Variants in SNTG2 observed in about 807,000 individuals in gnomAD.
SNTG2 encodes the protein gamma-2-syntrophin.
Under a neutral mutation model 70.9 loss-of-function variants are expected in SNTG2, and 74 were observed. The ratio of observed to expected loss-of-function variants is 1.04; its 90% CI spans 0.86 to 1.27. The LOEUF is 1.27. SNTG2 is among the 50% of genes most tolerant of loss of function. SNTG2 has a pLI of 0.00. For missense variants in SNTG2, 717 were observed against 690.7 expected, an observed-to-expected ratio of 1.04 and a Z score of -0.43; for synonymous variants, 278 against 273.8, an observed-to-expected ratio of 1.02 and a Z score of -0.15.
chr2:1,043,632 G>A lies in SNTG2; in HGVS notation c.73-39886G>A, dbSNP rs573821251. Among the ~76,000 whole-genome samples, 3 of 152,158 alleles carry A rather than the reference G, an allele frequency of 2.0e-5. No homozygotes were observed. The East Asian group carries it at 5.8e-4, about 29-fold the overall frequency. ...GTCCAGTTTCAATCTTCTGCATATG[G>A]CTAGCCAGTTATCCCAGCACGATTT... On this transcript the variant is annotated intron_variant, in intron 1 of 16. Coordinates refer to ENST00000308624, the MANE Select transcript of SNTG2 (RefSeq NM_018968.4).
chr2:967,247 A>G (rs1021155523), intron 1 of SNTG2, among the ~76,000 whole-genome samples: 4 of 152,180 alleles, frequency 2.6e-5, no homozygotes, highest in African/African-American at 9.7e-5. Flanking sequence ...GGGTAAAACC[A>G]CAAATATGCT....
intron 2 of SNTG2, among the ~76,000 whole-genome samples, chr2:1,095,144 C>T (rs1665310409): frequency 6.6e-6 from 1 of 152,150 alleles, no homozygotes; most frequent in African/African-American, 2.4e-5. Context: ...CTGTTCCAAC[C>T]CTATCAGATA....
chr2:1,041,046 A>T (rs1661406446), intron 1 of SNTG2, among the ~76,000 whole-genome samples: 1 of 152,222 alleles, frequency 6.6e-6, no homozygotes, highest in Non-Finnish European at 1.5e-5. Flanking sequence ...TGTCAGGCAC[A>T]TGCTAAGGTG....
chr2:1,063,378 C>G (rs952197252), intron 1 of SNTG2, among the ~76,000 whole-genome samples: 4 of 152,080 alleles, frequency 2.6e-5, no homozygotes, highest in Non-Finnish European at 4.4e-5. Context: ...ACCAGCCCTT[C>G]AAAGAAGCAG....
chr2:1,298,783 G>C (rs1296367788), intron 14 of SNTG2, among the ~76,000 whole-genome samples: 1 of 152,206 alleles, frequency 6.6e-6, no homozygotes. Flanking sequence ...TCACTTTTGA[G>C]TCAGTGGGCT....
intron 16 of SNTG2, among the ~76,000 whole-genome samples, chr2:1,331,699 A>G (rs1052924302): frequency 6.6e-6 from 1 of 152,120 alleles, no homozygotes; most frequent in Non-Finnish European, 1.5e-5. Context: ...AGCTCACTTG[A>G]TAGTGTGTGG....
intron 8 of SNTG2, among the ~76,000 whole-genome samples, chr2:1,203,412 C>T (rs1343145946): frequency 6.6e-6 from 1 of 151,722 alleles, no homozygotes; most frequent in African/African-American, 2.4e-5. Context: ...AATCCCAGCA[C>T]TTTGGGAGGC....
intron 2 of SNTG2, among the ~76,000 whole-genome samples, chr2:1,088,360 T>G (rs1307115754): frequency 6.6e-6 from 1 of 152,216 alleles, no homozygotes; most frequent in African/African-American, 2.4e-5. Flanking sequence ...CTGAGTCAGC[T>G]CTGATGCCTG....
chr2:1,026,989 C>T (rs1046320698), intron 1 of SNTG2, among the ~76,000 whole-genome samples: 1 of 152,202 alleles, frequency 6.6e-6, no homozygotes, highest in South Asian at 2.1e-4. Flanking sequence ...AGTAACTTGG[C>T]TCAGCCTCCA....
At chr2:1,250,138 G>C (rs1027985237) in intron 12 of SNTG2, among the ~76,000 whole-genome samples, 1 of 152,210 alleles carries the variant, frequency 6.6e-6, no homozygotes, top group African/African-American at 2.4e-5. Context: ...TTAGCCTGCT[G>C]GGTTGGTGCT....
intron 6 of SNTG2, among the ~76,000 whole-genome samples, chr2:1,155,770 C>T (rs1409158445): frequency 6.6e-6 from 1 of 152,144 alleles, no homozygotes; most frequent in Admixed American, 6.5e-5. Context: ...GAGGTGCCAG[C>T]TTTTGAGGTG....
chr2:1,221,504 T>TTTGTCC (rs1558548967), intron 9 of SNTG2, among the ~76,000 whole-genome samples: 1 of 6,034 alleles, frequency 1.7e-4, no homozygotes, highest in Non-Finnish European at 3.6e-4. Flanking sequence ...TCTCTGTCTC[T>TTTGTCC]CTCTCTCTCT....
rs183805672 is a variant in SNTG2, at chr2:1,061,466, A to G, written c.73-22052A>G. Among the ~76,000 whole-genome samples the G allele has an allele frequency of 3.7e-4, 56 of 152,288 alleles. No individual in the cohort carries two copies. In the East Asian group the frequency reaches 0.01, roughly 27 times the overall value. ...GCAAACAGCTTTCCGAGGTTGAGGA[A>G]GTGTTTTGCCTCTGATAAAAGGGCA... On this transcript the variant is annotated intron_variant, in intron 1 of 16. Transcript: ENST00000308624.
intron 9 of SNTG2, among the ~76,000 whole-genome samples, chr2:1,235,185 C>T (rs1676535776): frequency 6.8e-6 from 1 of 146,996 alleles, no homozygotes; most frequent in Admixed American, 6.7e-5. Context: ...CTACCCCACT[C>T]TGCCCTGAGG....
chr2:1,260,794 A>C (rs1678373148), intron 13 of SNTG2, among the ~76,000 whole-genome samples: 1 of 152,174 alleles, frequency 6.6e-6, no homozygotes, highest in Non-Finnish European at 1.5e-5. Flanking sequence ...AATTCGTAGA[A>C]GAATTCTTGG....
rs540106357 is a variant in SNTG2 at position 1,083,610 on chromosome 2, G to A, written c.165G>A (p.Gln55=). 1.9e-6 allele frequency: 3 copies of A among 1,613,788 alleles called. No homozygotes were observed. The highest frequency in any genetic ancestry group is 2.7e-5 in the African/African-American group (2 of 75,046). ...TGACGAAAGAGGTGCTGACAATTCA[G>A]AAACAAGATGTTGTCTGTGTGGGCG... The part of the protein sequence containing the change: ...LKLTKEVLTI[Q]KQDVVCVGGS... Residue 55 remains glutamine, a synonymous_variant, in exon 2 of 17, where the codon CAG becomes CAA. Coordinates refer to ENST00000308624, the MANE Select transcript of SNTG2 (RefSeq NM_018968.4).
At chr2:978,433 A>T (rs1229334291) in intron 1 of SNTG2, among the ~76,000 whole-genome samples, 1 of 152,240 alleles carries the variant, frequency 6.6e-6, no homozygotes, top group Non-Finnish European at 1.5e-5. Context: ...CAAAACTTTA[A>T]TTATTATCCA....
intron 14 of SNTG2, among the ~76,000 whole-genome samples, chr2:1,294,216 C>T (rs879543520): frequency 3.9e-5 from 6 of 152,156 alleles, no homozygotes; most frequent in Admixed American, 6.5e-5. Flanking sequence ...GGACAGACCC[C>T]ATCCTTCAGG....
intron 8 of SNTG2, among the ~76,000 whole-genome samples, chr2:1,177,886 A>C (rs1671588972): frequency 6.6e-6 from 1 of 152,192 alleles, no homozygotes; most frequent in Non-Finnish European, 1.5e-5. Context: ...ATAAAAGATT[A>C]GCAGTGATTG....
Sources: allele counts gnomAD v4.1 joint callset (sites outside exome capture counted in the v4.1 genomes callset), GRCh38; gene constraint gnomAD v4.1.1; transcripts MANE v1.5; gene names NCBI Gene and HGNC (gene_info 2026-07-23, HGNC 2026-07-21).